The following ARB2A variants were observed in gnomAD, a reference collection of about 807,000 sequenced individuals.
ARB2A encodes ARB2 cotranscriptional regulator A.
chr5:94,014,268 T>C, the ARB2A span, among the ~76,000 whole-genome samples: 1 of 152,164 alleles, frequency 6.6e-6, no homozygotes, highest in Admixed American at 6.5e-5. Flanking sequence ...CACTGAGATA[T>C]CCTCTTTGAG....
the ARB2A span, among the ~76,000 whole-genome samples, chr5:93,949,546 C>T: frequency 2.6e-4 from 40 of 151,950 alleles, 1 homozygote; most frequent in African/African-American, 9.2e-4. Flanking sequence ...GGCAACAGAG[C>T]GAGAGTCTCT....
chr5:93,832,773 CT>C, the ARB2A span, among the ~76,000 whole-genome samples: 1 of 152,078 alleles, frequency 6.6e-6, no homozygotes, highest in African/African-American at 2.4e-5. Flanking sequence ...TTTTACTCCC[CT>C]ACAAGTGCTG....
At chr5:93,754,308 T>C in the ARB2A span, among the ~76,000 whole-genome samples, 1 of 152,240 alleles carries the variant, frequency 6.6e-6, no homozygotes, top group Non-Finnish European at 1.5e-5. Context: ...TGATTACTGT[T>C]AGTCTCCCTT....
the ARB2A span, among the ~76,000 whole-genome samples, chr5:93,745,114 C>T: frequency 2.0e-5 from 3 of 152,120 alleles, no homozygotes; most frequent in African/African-American, 7.2e-5. Context: ...CTTAAGAATT[C>T]CCTATTCTAA....
chr5:93,806,014 T>C, the ARB2A span: 14 of 877,042 alleles, frequency 1.6e-5, no homozygotes, highest in Non-Finnish European at 1.9e-5. Context: ...TTAAGATATA[T>C]ATTCAGTCAT....
chr5:94,084,611 G>A, the ARB2A span, among the ~76,000 whole-genome samples: 1 of 152,126 alleles, frequency 6.6e-6, no homozygotes, highest in Non-Finnish European at 1.5e-5. Flanking sequence ...GAATGTGATA[G>A]GAAGAATTGC....
chr5:94,061,257 A>G, the ARB2A span, among the ~76,000 whole-genome samples: 2 of 152,094 alleles, frequency 1.3e-5, no homozygotes, highest in East Asian at 3.9e-4. Context: ...AAAAAAATCA[A>G]CACTCACTCA....
the ARB2A span, among the ~76,000 whole-genome samples, chr5:93,746,109 A>G: frequency 2.0e-5 from 3 of 152,224 alleles, no homozygotes; most frequent in African/African-American, 4.8e-5. Flanking sequence ...CTGAAAATAC[A>G]CTGAAATGAT....
chr5:93,805,982 T>C, the ARB2A span: 1 of 966,044 alleles, frequency 1.0e-6, no homozygotes, highest in Admixed American at 6.2e-5. Flanking sequence ...ACTCATGAGA[T>C]TATTTTATAT....
At chr5:93,719,100 A>G in the ARB2A span, among the ~76,000 whole-genome samples, 3 of 152,232 alleles carry the variant, frequency 2.0e-5, no homozygotes, top group Admixed American at 1.3e-4. Context: ...TTGCAGCATC[A>G]CTGGATATCC....
At chr5:93,985,233 T>C in the ARB2A span, among the ~76,000 whole-genome samples, 1 of 152,214 alleles carries the variant, frequency 6.6e-6, no homozygotes, top group African/African-American at 2.4e-5. Context: ...CTGTCAGTAA[T>C]AGAGATTGTC....
chr5:93,943,854 C>CA, the ARB2A span, among the ~76,000 whole-genome samples: 1 of 151,842 alleles, frequency 6.6e-6, no homozygotes, highest in African/African-American at 2.4e-5. Flanking sequence ...ATTTATTCAT[C>CA]AAAAAACGGG....
At chr5:93,952,584 C>T in the ARB2A span, among the ~76,000 whole-genome samples, 3 of 152,154 alleles carry the variant, frequency 2.0e-5, no homozygotes, top group Non-Finnish European at 4.4e-5. Flanking sequence ...TCTCTTGCTG[C>T]TTTTAGAATC....
chr5:93,984,581 T>C, the ARB2A span, among the ~76,000 whole-genome samples: 1 of 152,190 alleles, frequency 6.6e-6, no homozygotes, highest in Non-Finnish European at 1.5e-5. Flanking sequence ...TTGTCTTCAA[T>C]TCCCCAAAAC....
chr5:94,041,791 T>A, the ARB2A span, among the ~76,000 whole-genome samples: 2 of 152,194 alleles, frequency 1.3e-5, no homozygotes, highest in Non-Finnish European at 2.9e-5. Flanking sequence ...AGATCCTAGA[T>A]AAGGCCTGGG....
the ARB2A span, among the ~76,000 whole-genome samples, chr5:94,101,512 C>G: frequency 6.6e-6 from 1 of 152,078 alleles, no homozygotes; most frequent in Non-Finnish European, 1.5e-5. Context: ...CAGTACTGTT[C>G]ACAACAGTAA....
the ARB2A span, among the ~76,000 whole-genome samples, chr5:94,017,958 G>A: frequency 6.4e-4 from 98 of 152,236 alleles, no homozygotes; most frequent in African/African-American, 2.3e-3. Flanking sequence ...TAAGTCTCAC[G>A]AGATCTGATG....
the ARB2A span, among the ~76,000 whole-genome samples, chr5:94,066,361 C>A: frequency 7.3e-6 from 1 of 137,320 alleles, no homozygotes; most frequent in Non-Finnish European, 1.6e-5. Context: ...ATAAAAAAAT[C>A]AACAAAATAA....
chr5:94,103,868 T>C, the ARB2A span, among the ~76,000 whole-genome samples: 1 of 149,278 alleles, frequency 6.7e-6, no homozygotes, highest in African/African-American at 2.5e-5. Flanking sequence ...CTCAAAATCA[T>C]ATAATTATGT....
Sources: allele counts gnomAD v4.1 joint callset (sites outside exome capture counted in the v4.1 genomes callset), GRCh38; gene constraint gnomAD v4.1.1; transcripts MANE v1.5; gene names NCBI Gene and HGNC (gene_info 2026-07-23, HGNC 2026-07-21).